HEXB: variants seen among roughly 807,000 people sequenced by gnomAD.
HEXB encodes beta-hexosaminidase subunit beta.
In HEXB, 51 loss-of-function variants were observed where a neutral mutation model predicts 71.2. The ratio of observed to expected loss-of-function variants is 0.72; its 90% CI spans 0.57 to 0.90. The LOEUF is 0.90. HEXB is among the 40% of genes least tolerant of loss of function. HEXB has a pLI of 0.00. For missense variants in HEXB, 617 were observed against 677.0 expected, an observed-to-expected ratio of 0.91 and a Z score of 0.98; for synonymous variants, 266 against 249.3, an observed-to-expected ratio of 1.07 and a Z score of -0.63.
rs1749653874 is a variant in HEXB, at chr5:74,715,693, A to T, written c.1082+3A>T. 1.3e-6 allele frequency: 2 copies of T among 1,587,014 alleles called. No individual in the cohort carries two copies. The highest frequency in any genetic ancestry group is 3.3e-5 in the Admixed American group (2 of 59,916). On this transcript the variant is annotated splice_donor_region_variant and intron_variant, in intron 8 of 13. Coordinates refer to ENST00000261416, the MANE Select transcript of HEXB (RefSeq NM_000521.4). ...GATGAAGTGGAATTTAAATGTTGGT[A>T]AGATGATTCCTTAAAACCCCTTTAA...
chr5:74,690,817 T>C (rs1748986507), intron 2 of HEXB, among the ~76,000 whole-genome samples: 2 of 152,174 alleles, frequency 1.3e-5, no homozygotes. Context: ...ATACATCTCT[T>C]TGAAAAAAAG....
chr5:74,716,608 A>C lies in HEXB; in HGVS notation c.1104A>C (p.Gln368His), dbSNP rs143375202. The change falls in exon 9 of 14, where the codon CAA becomes CAC. Residue 368 changes from glutamine to histidine, a missense_variant. Coordinates refer to ENST00000261416, the MANE Select transcript of HEXB (RefSeq NM_000521.4). ...TCAGGGAATCAAATCCAAAAATTCA[A>C]GATTTCATGAGGCAAAAAGGCTTTG... Reference protein sequence around the residue: ...FKCWESNPKIQDFMRQKGFGT... With the variant: ...FKCWESNPKIHDFMRQKGFGT... 5.6e-6 allele frequency: 9 copies of C among 1,608,396 alleles called. No individual in the cohort carries two copies. The highest frequency in any genetic ancestry group is 1.7e-5 in the Admixed American group (1 of 59,856).
In HEXB at chr5:74,663,203, G is replaced by C. The variant is rs563354317; in HGVS notation, c.-377+22645G>C. On this transcript the variant is annotated intron_variant, in intron 1 of 13. Coordinates refer to the HEXB transcript ENST00000511181. ...TTTTCCTTTTTTTTGGGGGGGTGGA[G>C]TGCGGTGGCGGAGTTTCGCTCTTGT... is the stretch of plus-strand genomic sequence containing the variant. Among the ~76,000 whole-genome samples the C allele has an allele frequency of 7.5e-5, 11 of 146,778 alleles. 1 individual carries two copies. The South Asian group carries it at 2.5e-3, about 33-fold the overall frequency.
At position 74,719,631 on chromosome 5, in the gene HEXB, G is replaced by A. The variant is rs576290562; in HGVS notation, c.1417+660G>A. On this transcript the variant is annotated intron_variant, in intron 11 of 13. Coordinates refer to ENST00000261416, the MANE Select transcript of HEXB (RefSeq NM_000521.4). ...ATGCATTTTATGAGGACCAAAAAGC[G>A]ATAATTACTGATTTTTAAAAAGCAT... Among the ~76,000 whole-genome samples the A allele has an allele frequency of 1.1e-4, 16 of 152,194 alleles. 1 individual carries two copies. In the South Asian group the frequency reaches 1.2e-3, roughly 12 times the overall value.
intron 1 of HEXB, among the ~76,000 whole-genome samples, chr5:74,658,978 T>C (rs1197509005): frequency 6.6e-6 from 1 of 152,152 alleles, no homozygotes; most frequent in East Asian, 1.9e-4. Context: ...CCCCACACCA[T>C]GAGAAGACTG....
intron 5 of HEXB, among the ~76,000 whole-genome samples, chr5:74,704,671 T>C (rs1457412072): frequency 6.6e-6 from 1 of 152,228 alleles, no homozygotes; most frequent in African/African-American, 2.4e-5. Context: ...TCTCCTCCCA[T>C]ACAGCAAAGT....
In HEXB at chr5:74,715,533, T is replaced by C. The variant is rs777657769; in HGVS notation, c.925T>C (p.Cys309Arg). ...GKGQKDLLTP[C>R]YSRQNKLDSF... ...AGGTCAGAAAGACCTCCTGACTCCA[T>C]GTTACAGTAGACAAAACAAGTTGGA... The change falls in exon 8 of 14, where the codon TGT becomes CGT. Residue 309 changes from cysteine to arginine, a missense_variant. Cys to Arg is a radical substitution (Grantham distance 180). Transcript: ENST00000261416. 1 of 1,611,924 alleles carries C rather than the reference T, an allele frequency of 6.2e-7. No individual in the cohort carries two copies. The highest frequency in any genetic ancestry group is 1.1e-5 in the South Asian group (1 of 91,030).
intron 9 of HEXB, among the ~76,000 whole-genome samples, chr5:74,717,426 G>A (rs1481498150): frequency 1.3e-5 from 2 of 151,790 alleles, no homozygotes; most frequent in Non-Finnish European, 2.9e-5. Flanking sequence ...TTAGCCACAT[G>A]TCAAGTGTTC....
chr5:74,715,748 G>A, intron 8 of HEXB, 58 bp downstream of exon 8: 1 of 1,230,800 alleles, frequency 8.1e-7, no homozygotes, highest in Non-Finnish European at 1.2e-6. Context: ...TGGGTGCGGT[G>A]GCTCACGCCT....
intron 5 of HEXB, among the ~76,000 whole-genome samples, chr5:74,703,446 G>A (rs1430661336): frequency 6.6e-6 from 1 of 152,130 alleles, no homozygotes; most frequent in African/African-American, 2.4e-5. Context: ...AACCCTTTTA[G>A]TGGTGAACAA....
At chr5:74,711,493 C>G (rs1276304778) in intron 6 of HEXB, among the ~76,000 whole-genome samples, 2 of 152,274 alleles carry the variant, frequency 1.3e-5, no homozygotes, top group African/African-American at 4.8e-5. Context: ...TCAGAGTGAA[C>G]AGGCAACCCA....
chr5:74,705,068 G>C, intron 5 of HEXB, 151 bp from the exon 6 acceptor site: 1 of 616,090 alleles, frequency 1.6e-6, no homozygotes, highest in Admixed American at 2.5e-5. Context: ...TTCCAGCCTG[G>C]GCAATGGAGT....
intron 1 of HEXB, among the ~76,000 whole-genome samples, chr5:74,649,765 A>G (rs566423893): frequency 6.3e-4 from 96 of 152,342 alleles, no homozygotes; most frequent in Non-Finnish European, 1.2e-3. Flanking sequence ...TAGTTGATTG[A>G]ATGTCTTACC....
intron 1 of HEXB, among the ~76,000 whole-genome samples, chr5:74,664,448 A>ACAAAAAAAAAC (rs1554033115): frequency 7.9e-6 from 1 of 126,540 alleles, no homozygotes; most frequent in South Asian, 2.5e-4. Context: ...AAAAAAAAAA[A>ACAAAAAAAAAC]AAAAACAGAG....
At chr5:74,669,548 G>A (rs74707915) in intron 1 of HEXB, among the ~76,000 whole-genome samples, 8,450 of 152,056 alleles carry the variant, frequency 0.056, 814 homozygotes, top group African/African-American at 0.19. Context: ...TCCCTGATCT[G>A]TCATGTCTCC....
chr5:74,689,542 T>C, intron 2 of HEXB, 69 bp downstream of exon 2: 1 of 1,300,878 alleles, frequency 7.7e-7, no homozygotes, highest in South Asian at 1.2e-5. Context: ...TGCCAAAAAC[T>C]GACTCCATGC....
chr5:74,667,275 C>A (rs1214073218), intron 1 of HEXB, among the ~76,000 whole-genome samples: 1 of 151,822 alleles, frequency 6.6e-6, no homozygotes, highest in African/African-American at 2.4e-5. Flanking sequence ...AAAAACTATC[C>A]AGGCATGGTG....
chr5:74,709,567 G>A (rs1301809063), intron 6 of HEXB, among the ~76,000 whole-genome samples: 1 of 152,098 alleles, frequency 6.6e-6, no homozygotes, highest in African/African-American at 2.4e-5. Context: ...AAAAAAGAGA[G>A]AAGAATCAAA....
At chr5:74,673,495 G>A (rs1259954983) in intron 1 of HEXB, among the ~76,000 whole-genome samples, 1 of 152,098 alleles carries the variant, frequency 6.6e-6, no homozygotes, top group Non-Finnish European at 1.5e-5. Flanking sequence ...TCAACAAATT[G>A]TATCACTGTC....
Sources: gnomAD v4.1 joint callset for allele counts (sites outside exome capture counted in the v4.1 genomes callset) on GRCh38, gnomAD v4.1.1 for gene constraint, MANE v1.5 for transcripts, NCBI Gene and HGNC (gene_info 2026-07-23, HGNC 2026-07-21) for gene names.